PTPRD: variants seen among roughly 807,000 people sequenced by gnomAD.
PTPRD encodes the protein protein tyrosine phosphatase receptor type D, also known as receptor-type tyrosine-protein phosphatase delta.
Under a neutral mutation model 214.5 loss-of-function variants are expected in PTPRD, and 34 were observed. That is an observed-to-expected ratio of 0.16 (90% CI 0.12 to 0.21). The LOEUF (loss-of-function observed/expected upper bound fraction) is 0.21. Ranked by LOEUF, PTPRD falls within the 10% of genes least tolerant of loss-of-function variation. The probability of loss-of-function intolerance (pLI) is 1.00; values close to 1 mark genes in which losing one functional copy is unlikely to be tolerated. For missense variants in PTPRD, 2,545 were observed against 2,398.7 expected, an observed-to-expected ratio of 1.06 and a Z score of -1.27; for synonymous variants, 1,128 against 845.7, an observed-to-expected ratio of 1.33 and a Z score of -5.79.
At chr9:8,629,141 C>A (rs991306191) in intron 14 of PTPRD, among the ~76,000 whole-genome samples, 1 of 151,656 alleles carries the variant, frequency 6.6e-6, no homozygotes, top group Non-Finnish European at 1.5e-5. Flanking sequence ...GTTCAAGAAA[C>A]ATGATGACAT....
rs560269358 is a variant in PTPRD at position 8,638,011 on chromosome 9, G to T, written c.65-1167C>A. On this transcript the variant is annotated intron_variant, in intron 12 of 45. Coordinates refer to ENST00000381196, the MANE Select transcript of PTPRD (RefSeq NM_002839.4). ...GAGGAGGCATTTTAATTATTTCTCCGACTGCTTTCCATCTTTTACACTTCC... is the reference window on the plus strand; with the variant it reads ...GAGGAGGCATTTTAATTATTTCTCCTACTGCTTTCCATCTTTTACACTTCC... Among the ~76,000 whole-genome samples, 3 of 151,790 alleles carry T rather than the reference G, an allele frequency of 2.0e-5. No individual in the cohort carries two copies. The South Asian group carries it at 6.2e-4, about 32-fold the overall frequency.
At chr9:10,572,320 T>C (rs2067715558) in intron 2 of PTPRD, among the ~76,000 whole-genome samples, 1 of 152,150 alleles carries the variant, frequency 6.6e-6, no homozygotes, top group Non-Finnish European at 1.5e-5. Flanking sequence ...GGACTCACAA[T>C]TTATATTATC....
chr9:10,399,912 G>A (rs2098240890), intron 2 of PTPRD, among the ~76,000 whole-genome samples: 2 of 151,812 alleles, frequency 1.3e-5, no homozygotes, highest in African/African-American at 4.8e-5. Flanking sequence ...TAAAAGACTT[G>A]TGCGCCATTT....
chr9:9,882,860 C>A (rs982463214), intron 5 of PTPRD, among the ~76,000 whole-genome samples: 2 of 152,072 alleles, frequency 1.3e-5, no homozygotes, highest in African/African-American at 4.8e-5. Context: ...TGGGGTGAAT[C>A]CCCTGTGAAT....
chr9:9,661,149 T>G (rs934318582), intron 7 of PTPRD, among the ~76,000 whole-genome samples: 1 of 151,954 alleles, frequency 6.6e-6, no homozygotes, highest in African/African-American at 2.4e-5. Flanking sequence ...GTGCCATATA[T>G]TTCCAATGAG....
At chr9:8,877,425 T>C (rs983076060) in intron 11 of PTPRD, among the ~76,000 whole-genome samples, 1 of 152,170 alleles carries the variant, frequency 6.6e-6, no homozygotes, top group African/African-American at 2.4e-5. Context: ...CACCAATATC[T>C]AGGGGACTTT....
intron 7 of PTPRD, among the ~76,000 whole-genome samples, chr9:9,632,151 A>C (rs1382902652): frequency 6.6e-6 from 1 of 152,200 alleles, no homozygotes; most frequent in African/African-American, 2.4e-5. Flanking sequence ...AAACAATCCA[A>C]GTGTCCATGA....
intron 5 of PTPRD, among the ~76,000 whole-genome samples, chr9:9,891,846 A>G (rs950025791): frequency 3.3e-5 from 5 of 152,174 alleles, no homozygotes; most frequent in African/African-American, 1.2e-4. Context: ...AGATTTTATC[A>G]AAGTATTTTA....
At chr9:8,826,052 C>A (rs2097168729) in intron 11 of PTPRD, among the ~76,000 whole-genome samples, 1 of 152,132 alleles carries the variant, frequency 6.6e-6, no homozygotes, top group Admixed American at 6.6e-5. Context: ...TCATTTTACC[C>A]AGCTTTTAAG....
chr9:9,556,114 T>C (rs773235645), intron 8 of PTPRD, among the ~76,000 whole-genome samples: 34 of 152,134 alleles, frequency 2.2e-4, no homozygotes, highest in Non-Finnish European at 3.4e-4. Context: ...ACTGATAACA[T>C]AGTCAATTAA....
At chr9:9,644,676 A>G (rs1172681525) in intron 7 of PTPRD, among the ~76,000 whole-genome samples, 1 of 151,670 alleles carries the variant, frequency 6.6e-6, no homozygotes, top group Non-Finnish European at 1.5e-5. Context: ...CTAAATGAGA[A>G]CAGTTATCCC....
chr9:10,082,428 T>C (rs1439532191), intron 3 of PTPRD, among the ~76,000 whole-genome samples: 2 of 151,824 alleles, frequency 1.3e-5, no homozygotes, highest in African/African-American at 4.9e-5. Context: ...TGTGCACTGA[T>C]TATGCTGTAG....
At position 10,327,969 on chromosome 9, in the gene PTPRD, A is replaced by T. The variant is rs150386887; in HGVS notation, c.-545+12994T>A. Among the ~76,000 whole-genome samples the T allele has an allele frequency of 5.4e-3, 822 of 151,856 alleles. 4 individuals are homozygous for T. The highest frequency in any genetic ancestry group is 0.019 in the African/African-American group (785 of 41,512). On this transcript the variant is annotated intron_variant, in intron 3 of 45. Transcript: ENST00000381196. ...TTCTGGAGTTTTTATTATAAAAATT[A>T]TCCTGTCTGTAGGTTGGGATATAAA... is the stretch of plus-strand genomic sequence containing the variant.
chr9:8,936,344 A>G (rs10977375), intron 11 of PTPRD, among the ~76,000 whole-genome samples: 45,456 of 142,058 alleles, frequency 0.32, 7,489 homozygotes, highest in South Asian at 0.42. Flanking sequence ...GGATTGCTTG[A>G]GCCTGGGAGG....
chr9:8,713,760 C>T (rs958704431), intron 12 of PTPRD: 2 of 1,528,304 alleles, frequency 1.3e-6, no homozygotes, highest in Non-Finnish European at 1.8e-6. Context: ...ACTGCAAGAT[C>T]AAGTTCCCGC....
At chr9:9,957,007 T>C (rs1006224644) in intron 4 of PTPRD, among the ~76,000 whole-genome samples, 3 of 152,158 alleles carry the variant, frequency 2.0e-5, no homozygotes, top group Non-Finnish European at 4.4e-5. Context: ...GAGAAACTAT[T>C]GGGCTCAAGT....
intron 44 of PTPRD, among the ~76,000 whole-genome samples, chr9:8,322,946 C>T (rs1419315139): frequency 2.0e-5 from 3 of 152,112 alleles, no homozygotes; most frequent in Admixed American, 6.6e-5. Context: ...TCAAGAATTA[C>T]ACTAAATATA....
chr9:9,043,262 T>A (rs545577704), intron 10 of PTPRD, among the ~76,000 whole-genome samples: 1 of 152,196 alleles, frequency 6.6e-6, no homozygotes, highest in African/African-American at 2.4e-5. Flanking sequence ...GAAGTTTTGA[T>A]TAACATCTTG....
At chr9:10,226,312 T>A (rs182390261) in intron 3 of PTPRD, among the ~76,000 whole-genome samples, 1 of 152,062 alleles carries the variant, frequency 6.6e-6, no homozygotes, top group Non-Finnish European at 1.5e-5. Context: ...GTGGAGCTCA[T>A]GTCCATGCCT....
Sources: gnomAD v4.1 joint callset for allele counts (sites outside exome capture counted in the v4.1 genomes callset) on GRCh38, gnomAD v4.1.1 for gene constraint, MANE v1.5 for transcripts, NCBI Gene and HGNC (gene_info 2026-07-23, HGNC 2026-07-21) for gene names.